Variants in SH3BGRL2 observed in about 807,000 individuals in gnomAD.
The protein encoded by SH3BGRL2 is SH3 domain binding glutamate rich protein like 2, also known as SH3 domain-binding glutamic acid-rich-like protein 2.
A neutral mutation model predicts 14.8 loss-of-function variants in SH3BGRL2; 21 were observed. The ratio of observed to expected loss-of-function variants is 1.42; its 90% confidence interval spans 1.01 to 2.05. The LOEUF is 2.05. SH3BGRL2 is among the 30% of genes most tolerant of loss of function. SH3BGRL2 has a pLI of 0.00. For missense variants in SH3BGRL2, 147 were observed against 130.8 expected (o/e 1.12, Z -0.61); for synonymous variants, 50 against 47.8 (o/e 1.05, Z -0.19).
chr6:79,597,336 AAAAAG>A, the SH3BGRL2 span, among the ~76,000 whole-genome samples: 4 of 149,214 alleles, frequency 2.7e-5, no homozygotes, highest in African/African-American at 4.9e-5. Flanking sequence ...AAAGAAAAGA[AAAAAG>A]AAAAGAAAGA....
chr6:79,570,793 C>A, the SH3BGRL2 span, among the ~76,000 whole-genome samples: 1 of 152,084 alleles, frequency 6.6e-6, no homozygotes, highest in South Asian at 2.1e-4. Context: ...TGGGAGTGAG[C>A]AAATCTAATT....
the SH3BGRL2 span, among the ~76,000 whole-genome samples, chr6:79,625,912 C>G: frequency 6.6e-6 from 1 of 152,190 alleles, no homozygotes; most frequent in African/African-American, 2.4e-5. Context: ...AACCTCCTCT[C>G]CCACAAATCT....
chr6:79,631,559 C>A (rs983190211), intron 1 of SH3BGRL2, 53 bp downstream of exon 1: 8 of 1,316,416 alleles, frequency 6.1e-6, no homozygotes, highest in Non-Finnish European at 7.9e-6. Context: ...GCGGGTCCTG[C>A]GGGAGGCGCG....
At chr6:79,556,198 T>C in the SH3BGRL2 span, among the ~76,000 whole-genome samples, 2 of 152,164 alleles carry the variant, frequency 1.3e-5, no homozygotes, top group Admixed American at 1.3e-4. Context: ...TTGACAAATT[T>C]GATCTTAAAA....
At chr6:79,666,732 C>G (rs887479325) in intron 1 of SH3BGRL2, among the ~76,000 whole-genome samples, 1 of 152,150 alleles carries the variant, frequency 6.6e-6, no homozygotes, top group East Asian at 1.9e-4. Context: ...AAAAACTTTT[C>G]CCTTCTATTT....
At chr6:79,666,718 T>TA (rs970523312) in intron 1 of SH3BGRL2, among the ~76,000 whole-genome samples, 9 of 152,028 alleles carry the variant, frequency 5.9e-5, no homozygotes, top group African/African-American at 1.2e-4. Flanking sequence ...CAAGCTGTTT[T>TA]AAAAAAAACT....
the SH3BGRL2 span, among the ~76,000 whole-genome samples, chr6:79,577,869 C>G: frequency 3.9e-5 from 6 of 152,316 alleles, no homozygotes; most frequent in African/African-American, 1.4e-4. Context: ...CTTTCCTAGC[C>G]AAGGGAAGCT....
chr6:79,545,449 T>A, the SH3BGRL2 span, among the ~76,000 whole-genome samples: 12 of 152,260 alleles, frequency 7.9e-5, no homozygotes, highest in African/African-American at 2.4e-4. Context: ...GGAATTAACA[T>A]ATTTATGTTT....
At chr6:79,540,068 T>G in the SH3BGRL2 span, among the ~76,000 whole-genome samples, 1 of 152,176 alleles carries the variant, frequency 6.6e-6, no homozygotes, top group African/African-American at 2.4e-5. Context: ...CATATAACAC[T>G]AAATTTGAAA....
the SH3BGRL2 span, among the ~76,000 whole-genome samples, chr6:79,550,859 T>C: frequency 6.6e-6 from 1 of 152,200 alleles, no homozygotes; most frequent in African/African-American, 2.4e-5. Flanking sequence ...CCTGTCTCAT[T>C]TGTACTTCAG....
the SH3BGRL2 span, among the ~76,000 whole-genome samples, chr6:79,584,940 G>A: frequency 6.6e-6 from 1 of 151,492 alleles, no homozygotes; most frequent in Non-Finnish European, 1.5e-5. Flanking sequence ...ATATTTCATC[G>A]AATCTAAAAC....
At chr6:79,678,897 G>A (rs1027483946) in intron 2 of SH3BGRL2, among the ~76,000 whole-genome samples, 3 of 152,128 alleles carry the variant, frequency 2.0e-5, no homozygotes, top group African/African-American at 4.8e-5. Context: ...GTGTTAATTT[G>A]CTTAGGATTA....
chr6:79,693,096 G>A (rs1239219150), intron 2 of SH3BGRL2, among the ~76,000 whole-genome samples: 3 of 151,568 alleles, frequency 2.0e-5, no homozygotes, highest in South Asian at 2.1e-4. Flanking sequence ...TGGATTCCTA[G>A]GTACTTTATT....
the SH3BGRL2 span, among the ~76,000 whole-genome samples, chr6:79,544,941 C>T: frequency 6.6e-6 from 1 of 151,902 alleles, no homozygotes; most frequent in Non-Finnish European, 1.5e-5. Context: ...AATTAAAGCC[C>T]AAGTATAAAA....
At chr6:79,673,146 G>A (rs1883877) in intron 1 of SH3BGRL2, among the ~76,000 whole-genome samples, 15,008 of 150,208 alleles carry the variant, frequency 0.1, 1,225 homozygotes, top group East Asian at 0.44. Context: ...TTGCAAGGGT[G>A]AGGGTGGGGT....
the SH3BGRL2 span, among the ~76,000 whole-genome samples, chr6:79,603,360 T>TAAAACAA: frequency 6.6e-6 from 1 of 152,230 alleles, no homozygotes; most frequent in Non-Finnish European, 1.5e-5. Flanking sequence ...GCTATTGTTT[T>TAAAACAA]TATTTGATTT....
chr6:79,690,240 C>A (rs1562159014), intron 2 of SH3BGRL2, among the ~76,000 whole-genome samples: 1 of 152,156 alleles, frequency 6.6e-6, no homozygotes, highest in Non-Finnish European at 1.5e-5. Flanking sequence ...AGTCCTCACA[C>A]CTCAGCCTCC....
chr6:79,666,646 G>C (rs544934187), intron 1 of SH3BGRL2, among the ~76,000 whole-genome samples: 13 of 152,254 alleles, frequency 8.5e-5, no homozygotes, highest in African/African-American at 3.1e-4. Context: ...TTGAAAGGAA[G>C]AATCAACTTA....
intron 1 of SH3BGRL2, among the ~76,000 whole-genome samples, chr6:79,670,600 C>A (rs1175375353): frequency 6.6e-6 from 1 of 152,106 alleles, no homozygotes; most frequent in Non-Finnish European, 1.5e-5. Flanking sequence ...TTTTAAATAG[C>A]AATTAAGAAT....
Sources: allele counts gnomAD v4.1 joint callset (sites outside exome capture counted in the v4.1 genomes callset), GRCh38; gene constraint gnomAD v4.1.1; transcripts MANE v1.5; gene names NCBI Gene and HGNC (gene_info 2026-07-23, HGNC 2026-07-21).